Variants in HRH4 observed in about 807,000 individuals in gnomAD.
HRH4 encodes histamine H4 receptor.
HRH4 carries 12 observed loss-of-function variants against 10.4 expected under a neutral mutation model. The ratio of observed to expected loss-of-function variants is 1.15; its 90% CI spans 0.74 to 1.87. The LOEUF (loss-of-function observed/expected upper bound fraction) is 1.87. Among genes scored for constraint, HRH4 ranks in the 40% most tolerant of loss-of-function variants. HRH4 has a pLI of 0.00. For missense variants in HRH4, 415 were observed against 453.3 expected, an observed-to-expected ratio of 0.92 and a Z score of 0.77; for synonymous variants, 154 against 166.6, an observed-to-expected ratio of 0.92 and a Z score of 0.58.
Position 24,460,821 on chromosome 18 carries a change from A to G in HRH4, c.93A>G (p.Leu31=), listed in dbSNP as rs776489721. 2 of 1,590,390 alleles carry G rather than the reference A, an allele frequency of 1.3e-6. No homozygotes were observed. The highest frequency in any genetic ancestry group is 1.1e-5 in the South Asian group (1 of 87,638). The change falls in exon 1 of 3, where the codon CTA becomes CTG. Residue 31 remains leucine (L), a synonymous_variant. Transcript: ENST00000256906. ...CCTTAGTAGCTTTTGCTATAATGCTAGGAAATGCTTTGGTCATTTTAGCTT... is the reference window on the plus strand; with the variant it reads ...CCTTAGTAGCTTTTGCTATAATGCTGGGAAATGCTTTGGTCATTTTAGCTT... ...FMSLVAFAIM[L]GNALVILAFV...
chr18:24,472,217 TG>T lies in HRH4; in HGVS notation c.357+3267del, dbSNP rs1909989731. 2.0e-5 allele frequency among the ~76,000 whole-genome samples: 3 copies of T among 152,160 alleles called. No homozygotes were observed. The South Asian group carries it at 6.2e-4, about 32-fold the overall frequency. On this transcript the variant is annotated intron_variant, in intron 2 of 2. Transcript: ENST00000256906. ...CGTGCCAGCGCGCTTGGCCAATTTT[TG>T]TATTTTTAGTAGAGATGGGGTTTTG...
rs148759744 is a variant in HRH4 at position 24,460,748 on chromosome 18, C to A, written c.20C>A (p.Thr7Lys). The change falls in exon 1 of 3, where the codon ACA becomes AAA. Residue 7 changes from threonine to lysine, a missense_variant. Coordinates refer to ENST00000256906, the MANE Select transcript of HRH4 (RefSeq NM_021624.4). The part of the protein sequence containing the change: MPDTNS[T>K]INLSLSTRVT... ...GATGTGATGCCAGATACTAATAGCA[C>A]AATCAATTTATCACTAAGCACTCGT... 5 of 1,520,426 alleles carry A rather than the reference C, an allele frequency of 3.3e-6. No individual in the cohort carries two copies. The highest frequency in any genetic ancestry group is 4.5e-6 in the Non-Finnish European group (5 of 1,119,650). The allele number at this position is 1,520,426 out of a possible 1,614,324, so 94.2% of individuals were successfully genotyped here.
At chr18:24,470,501 ATTT>A (rs200257355) in intron 2 of HRH4, among the ~76,000 whole-genome samples, 2 of 129,920 alleles carry the variant, frequency 1.5e-5, no homozygotes, top group East Asian at 2.7e-4. Flanking sequence ...TTGTTTCTCT[ATTT>A]TTTTTTTTTT....
rs535537705 is a variant in HRH4, at chr18:24,477,712, G to A, written c.*150G>A. On this transcript the variant is annotated 3_prime_UTR_variant, in exon 3 of 3. Transcript: ENST00000256906. ...CCAGTGAATAATAGCAGTATAATAT[G>A]ACTTGATAATATTTTTGTAAACTTG... is the stretch of plus-strand genomic sequence containing the variant. 31 of 536,742 alleles carry A rather than the reference G, an allele frequency of 5.8e-5. No individual in the cohort carries two copies. In the African/African-American group the frequency reaches 5.8e-4, roughly 10 times the overall value. The allele number at this position is 536,742 out of a possible 1,614,324, so 33.2% of individuals were successfully genotyped here.
chr18:24,463,939 T>C (rs368164342), intron 1 of HRH4, among the ~76,000 whole-genome samples: 16 of 152,328 alleles, frequency 1.1e-4, no homozygotes, highest in Admixed American at 7.2e-4. Flanking sequence ...TTGTGGGTAC[T>C]TTCTTCTCAT....
chr18:24,477,092 A>C lies in HRH4; in HGVS notation c.703A>C (p.Arg235=), dbSNP rs200524143. The C allele has an allele frequency of 6.2e-7, 1 of 1,614,222 alleles. No homozygotes were observed. The highest frequency in any genetic ancestry group is 1.3e-5 in the African/African-American group (1 of 75,066). Reference sequence around the variant, plus strand: ...CTCATTCAGAGGTAGACTATCTTCAAGGAGATCTCTTTCTGCATCGACAGA... The same window carrying C: ...CTCATTCAGAGGTAGACTATCTTCACGGAGATCTCTTTCTGCATCGACAGA... The part of the protein sequence containing the change: ...GHSFRGRLSS[R]RSLSASTEVP... Residue 235 remains arginine, a synonymous_variant, in exon 3 of 3, where the codon AGG becomes CGG. Coordinates refer to ENST00000256906, the MANE Select transcript of HRH4 (RefSeq NM_021624.4).
At chr18:24,474,897 G>A (rs1910093805) in intron 2 of HRH4, among the ~76,000 whole-genome samples, 1 of 152,160 alleles carries the variant, frequency 6.6e-6, no homozygotes, top group Middle Eastern at 3.4e-3. Context: ...TGTTGGCCAG[G>A]CTGGTCTCGA....
At chr18:24,467,097 A>G (rs1909797917) in intron 1 of HRH4, among the ~76,000 whole-genome samples, 1 of 152,180 alleles carries the variant, frequency 6.6e-6, no homozygotes, top group Admixed American at 6.5e-5. Context: ...TGGTCTAATT[A>G]TCTCTTTTCT....
At chr18:24,466,776 G>T (rs1599775871) in intron 1 of HRH4, among the ~76,000 whole-genome samples, 1 of 152,106 alleles carries the variant, frequency 6.6e-6, no homozygotes, top group Non-Finnish European at 1.5e-5. Context: ...ATTCCTGGAA[G>T]TACCTGATAC....
chr18:24,471,197 C>T (rs1909938225), intron 2 of HRH4, among the ~76,000 whole-genome samples: 2 of 151,912 alleles, frequency 1.3e-5, no homozygotes, highest in African/African-American at 4.8e-5. Context: ...ATTAACAATT[C>T]AAATGCCTAT....
Position 24,465,079 on chromosome 18 carries a change from G to C in HRH4, c.194-3709G>C, listed in dbSNP as rs557838708. ...AGGTGGGTGGATCACTTGAGGCCAGGAGTTCGAGACCAGCCTGGCCAATAT... is the reference window on the plus strand; with the variant it reads ...AGGTGGGTGGATCACTTGAGGCCAGCAGTTCGAGACCAGCCTGGCCAATAT... On this transcript the variant is annotated intron_variant, in intron 1 of 2. Coordinates refer to ENST00000256906, the MANE Select transcript of HRH4 (RefSeq NM_021624.4). Among the ~76,000 whole-genome samples, 43 of 152,060 alleles carry C rather than the reference G, an allele frequency of 2.8e-4. 2 individuals carry two copies. In the South Asian group the frequency reaches 8.9e-3, roughly 32 times the overall value.
intron 2 of HRH4, 107 bp downstream of exon 2, chr18:24,469,058 C>A (rs1017582366): frequency 6.4e-6 from 5 of 779,406 alleles, no homozygotes; most frequent in East Asian, 2.9e-5. Context: ...AATCGACAGG[C>A]CTTAGAGGAA....
At chr18:24,472,017 C>G (rs976977426) in intron 2 of HRH4, among the ~76,000 whole-genome samples, 24 of 151,824 alleles carry the variant, frequency 1.6e-4, no homozygotes, top group African/African-American at 5.8e-4. Flanking sequence ...GGAATGTAGA[C>G]TTTCTTTTTG....
chr18:24,469,006 G>T, intron 2 of HRH4, 55 bp downstream of exon 2: 1 of 1,379,258 alleles, frequency 7.3e-7, no homozygotes, highest in Non-Finnish European at 9.8e-7. Context: ...TGTATATGAT[G>T]GGTCCTCAAG....
intron 2 of HRH4, 49 bp from the exon 3 acceptor site, chr18:24,476,698 C>T: frequency 7.5e-7 from 1 of 1,325,552 alleles, no homozygotes; most frequent in Non-Finnish European, 1.1e-6. Context: ...ATACTTTATG[C>T]ATTCAACATA....
intron 2 of HRH4, among the ~76,000 whole-genome samples, chr18:24,474,901 G>A (rs979223024): frequency 2.0e-5 from 3 of 152,050 alleles, no homozygotes; most frequent in Non-Finnish European, 4.4e-5. Context: ...GGCCAGGCTG[G>A]TCTCGATCTC....
intron 2 of HRH4, among the ~76,000 whole-genome samples, chr18:24,469,673 A>T (rs935226027): frequency 6.6e-6 from 1 of 152,074 alleles, no homozygotes; most frequent in Non-Finnish European, 1.5e-5. Flanking sequence ...CAGGGACCCA[A>T]CTCTTTGGGG....
chr18:24,465,882 A>G (rs1408336727), intron 1 of HRH4, among the ~76,000 whole-genome samples: 1 of 152,090 alleles, frequency 6.6e-6, no homozygotes, highest in Non-Finnish European at 1.5e-5. Flanking sequence ...TGTGACAAAG[A>G]GCATTTACCT....
chr18:24,471,140 G>A (rs887673795), intron 2 of HRH4, among the ~76,000 whole-genome samples: 1 of 151,772 alleles, frequency 6.6e-6, no homozygotes, highest in Non-Finnish European at 1.5e-5. Context: ...TTGGCGCCAG[G>A]GACCACTGCA....
Sources: gnomAD v4.1 joint callset for allele counts (sites outside exome capture counted in the v4.1 genomes callset) on GRCh38, gnomAD v4.1.1 for gene constraint, MANE v1.5 for transcripts, NCBI Gene and HGNC (gene_info 2026-07-23, HGNC 2026-07-21) for gene names.